The following SPSB1 variants were observed in gnomAD, a reference collection of about 807,000 sequenced individuals.
SPSB1 encodes the protein SPRY domain-containing SOCS box protein 1.
In SPSB1, 8 loss-of-function variants were observed where a neutral mutation model predicts 21.2. That is an observed-to-expected ratio of 0.38 (90% CI 0.22 to 0.68). The LOEUF is 0.68. Among genes scored for constraint, SPSB1 ranks in the 30% least tolerant of loss-of-function variants. The pLI is 0.53. For missense variants in SPSB1, 242 were observed against 377.8 expected (o/e 0.64, Z 2.98); for synonymous variants, 169 against 161.7 (o/e 1.05, Z -0.34).
intron 1 of SPSB1, among the ~76,000 whole-genome samples, chr1:9,298,621 C>T (rs1042989402): frequency 3.3e-5 from 5 of 152,094 alleles, no homozygotes; most frequent in East Asian, 1.9e-4. Flanking sequence ...TTAGATTGTT[C>T]GGGGATAACT....
intron 1 of SPSB1, among the ~76,000 whole-genome samples, chr1:9,299,007 C>T (rs1373833535): frequency 1.3e-5 from 2 of 152,172 alleles, no homozygotes; most frequent in African/African-American, 4.8e-5. Context: ...TTGGAGGAGG[C>T]GGGGGTGGTG....
chr1:9,312,440 C>T lies in SPSB1; in HGVS notation c.-150+19369C>T, dbSNP rs148353592. On this transcript the variant is annotated intron_variant, in intron 1 of 2. Coordinates refer to ENST00000328089, the MANE Select transcript of SPSB1 (RefSeq NM_025106.4). ...CAGCCCTGTGGAGGTATTATGCACA[C>T]GCCACGCAGTTCGCCTATTGTAAAT... is the stretch of plus-strand genomic sequence containing the variant. Among the ~76,000 whole-genome samples the T allele has an allele frequency of 2.6e-3, 392 of 152,258 alleles. 2 individuals carry two copies. The highest frequency in any genetic ancestry group is 8.5e-3 in the African/African-American group (355 of 41,542).
rs1181281883 is a variant in SPSB1 at position 9,305,595 on chromosome 1, G to T, written c.-150+12524G>T. Among the ~76,000 whole-genome samples, 1 of 152,188 alleles carries T rather than the reference G, an allele frequency of 6.6e-6. No homozygotes were observed. Among genetic ancestry groups the T allele is most frequent in the Non-Finnish European group, 1.5e-5 (1 of 68,040 alleles). On this transcript the variant is annotated intron_variant, in intron 1 of 2. Transcript: ENST00000328089. The surrounding 1 kb of genome is among the most constrained non-coding windows in gnomAD (Gnocchi z 4.8). ...TGGGCCCAGGGTGTGGGTGCTGGGGGTGGGGACTCCCCGTCACGGAACTAA... is the reference window on the plus strand; with the variant it reads ...TGGGCCCAGGGTGTGGGTGCTGGGGTTGGGGACTCCCCGTCACGGAACTAA...
At position 9,317,301 on chromosome 1, in the gene SPSB1, C is replaced by T. The variant is rs531295952; in HGVS notation, c.-150+24230C>T. ...GGAAGAAGGGAATAAATGTCACTGGCGGAAGGTGGCATGTGTGTGCAAAAC... is the reference window on the plus strand; with the variant it reads ...GGAAGAAGGGAATAAATGTCACTGGTGGAAGGTGGCATGTGTGTGCAAAAC... On this transcript the variant is annotated intron_variant, in intron 1 of 2. Transcript: ENST00000328089. This position sits in a 1 kb window ranked among gnomAD's most constrained non-coding sequence, Gnocchi z 4.3. Among the ~76,000 whole-genome samples, 5 of 152,126 alleles carry T rather than the reference C, an allele frequency of 3.3e-5. No individual in the cohort carries two copies. The highest frequency in any genetic ancestry group is 3.4e-3 in the Middle Eastern group (1 of 294).
At chr1:9,300,400 C>G (rs1436729541) in intron 1 of SPSB1, among the ~76,000 whole-genome samples, 1 of 152,206 alleles carries the variant, frequency 6.6e-6, no homozygotes, top group African/African-American at 2.4e-5. Context: ...TGCTTTGCCA[C>G]TTGGGCCACC....
rs1225399692 is a variant in SPSB1 at position 9,362,159 on chromosome 1, C to T, written c.695-5289C>T. Among the ~76,000 whole-genome samples the T allele has an allele frequency of 6.6e-5, 10 of 152,130 alleles. No homozygotes were observed. In the East Asian group the frequency reaches 7.8e-4, roughly 12 times the overall value. On this transcript the variant is annotated intron_variant, in intron 2 of 2. Coordinates refer to ENST00000328089, the MANE Select transcript of SPSB1 (RefSeq NM_025106.4). ...GGAGCTACTCATCGGGAGACTGATA[C>T]ACCGCCACCAGGGCCACCCACCCTC...
chr1:9,298,427 C>T (rs56047985), intron 1 of SPSB1, among the ~76,000 whole-genome samples: 14,956 of 91,374 alleles, frequency 0.16, 898 homozygotes, highest in South Asian at 0.22. Flanking sequence ...AATAAGTGAA[C>T]GAATGAATGA....
At position 9,339,183 on chromosome 1, in the gene SPSB1, C is replaced by G. The variant is rs1265306672; in HGVS notation, c.-149-16560C>G. On this transcript the variant is annotated intron_variant, in intron 1 of 2. Transcript: ENST00000328089. ...TCACCCCTCTTCTGTCATTCTCCCC[C>G]CAGCGGTGAGGACCTGTGGGGCTTT... 3.1e-6 allele frequency: 3 copies of G among 980,542 alleles called. No homozygotes were observed. The African/African-American group carries it at 5.2e-5, about 17-fold the overall frequency. 60.7% of individuals were successfully genotyped at this position (980,542 alleles called of 1,614,324 possible). A position where few individuals can be genotyped will look rare whatever the true frequency, so the allele number is the denominator to read the frequency against.
chr1:9,298,407 CGAAT>C (rs57208644), intron 1 of SPSB1, among the ~76,000 whole-genome samples: 11,838 of 101,116 alleles, frequency 0.12, 1,464 homozygotes, highest in African/African-American at 0.38. Context: ...AATGAGTGAA[CGAAT>C]GAATGAATAA....
At chr1:9,353,931 A>G (rs1278985788) in intron 1 of SPSB1, among the ~76,000 whole-genome samples, 2 of 151,134 alleles carry the variant, frequency 1.3e-5, no homozygotes, top group African/African-American at 4.8e-5. Context: ...AAAAAAAAAA[A>G]GGAACCCTGT....
At chr1:9,337,657 G>T (rs1038929152) in intron 1 of SPSB1, among the ~76,000 whole-genome samples, 1 of 152,168 alleles carries the variant, frequency 6.6e-6, no homozygotes, top group Non-Finnish European at 1.5e-5. Context: ...GGTGGCATCC[G>T]CTCAGAGCCT....
intron 2 of SPSB1, among the ~76,000 whole-genome samples, chr1:9,358,069 G>T (rs1640404327): frequency 6.6e-6 from 1 of 152,210 alleles, no homozygotes; most frequent in Admixed American, 6.5e-5. Context: ...TGCTGACTCT[G>T]TCTTGAAGTC....
intron 1 of SPSB1, among the ~76,000 whole-genome samples, chr1:9,322,194 A>G (rs1639732328): frequency 6.6e-6 from 1 of 152,120 alleles, no homozygotes; most frequent in Non-Finnish European, 1.5e-5. Context: ...CTTCTCTTTA[A>G]TCAGCACTTA....
chr1:9,320,509 C>T (rs938357302), intron 1 of SPSB1, among the ~76,000 whole-genome samples: 3 of 152,348 alleles, frequency 2.0e-5, no homozygotes, highest in Admixed American at 6.5e-5. Flanking sequence ...CCATAGCACG[C>T]TGCTACTGAG....
intron 1 of SPSB1, among the ~76,000 whole-genome samples, chr1:9,338,854 AGG>A (rs147296846): frequency 6.6e-6 from 1 of 152,086 alleles, no homozygotes; most frequent in Non-Finnish European, 1.5e-5. Context: ...GAATGGGATG[AGG>A]GGGTCTTTGG....
intron 1 of SPSB1, among the ~76,000 whole-genome samples, chr1:9,322,822 G>A (rs963870627): frequency 2.0e-5 from 3 of 152,178 alleles, no homozygotes; most frequent in East Asian, 1.9e-4. Flanking sequence ...GCCCTGACGT[G>A]TAGGGAAGCG....
chr1:9,341,637 A>G (rs557240106), intron 1 of SPSB1, among the ~76,000 whole-genome samples: 1 of 152,218 alleles, frequency 6.6e-6, no homozygotes, highest in East Asian at 1.9e-4. Flanking sequence ...CTTGGGAGAG[A>G]TGTTTTCTAG....
intron 1 of SPSB1, among the ~76,000 whole-genome samples, chr1:9,353,351 G>A (rs1183513934): frequency 4.6e-5 from 7 of 152,136 alleles, no homozygotes; most frequent in African/African-American, 1.2e-4. Context: ...TGAGGCGCAG[G>A]CCCCAAAGCC....
chr1:9,316,768 G>A (rs765803646), intron 1 of SPSB1, among the ~76,000 whole-genome samples: 1 of 152,242 alleles, frequency 6.6e-6, no homozygotes, highest in Non-Finnish European at 1.5e-5. Context: ...CATTGGGTCT[G>A]GGTCTGGGGG....
Sources: allele counts gnomAD v4.1 joint callset (sites outside exome capture counted in the v4.1 genomes callset), GRCh38; gene constraint gnomAD v4.1.1; non-coding constraint Gnocchi (gnomAD v3.1); transcripts MANE v1.5; gene names NCBI Gene and HGNC (gene_info 2026-07-23, HGNC 2026-07-21).